ARID4A: variants seen among roughly 807,000 people sequenced by gnomAD.
The protein encoded by ARID4A is AT-rich interaction domain 4A, also known as AT-rich interactive domain-containing protein 4A.
ARID4A carries 39 observed loss-of-function variants against 148.6 expected under a neutral mutation model. The ratio of observed to expected loss-of-function variants is 0.26; its 90% CI spans 0.20 to 0.34. The LOEUF is 0.34. Among genes scored for constraint, ARID4A ranks in the 10% least tolerant of loss-of-function variants. ARID4A has a pLI of 1.00. For synonymous variants in ARID4A, 475 were observed against 481.2 expected (o/e 0.99, Z 0.17); for missense variants, 1,265 against 1,449.1 (o/e 0.87, Z 2.06).
rs754937858 is a variant in ARID4A at position 58,365,286 on chromosome 14, A to C, written c.3197A>C (p.Glu1066Ala). Residue 1066 changes from glutamate (E) to alanine (A), a missense_variant, in exon 20 of 24, where the codon GAG becomes GCG. Transcript: ENST00000355431. ...GTCSIIVQER[E>A]SREKGQKRPS... ...TGTAGTATAATTGTACAAGAGAGAGAGAGCAGAGAGAAGGGTAAGGACTTT... is the reference window on the plus strand; with the variant it reads ...TGTAGTATAATTGTACAAGAGAGAGCGAGCAGAGAGAAGGGTAAGGACTTT... 1.2e-6 allele frequency: 2 copies of C among 1,611,380 alleles called. No individual in the cohort carries two copies. Among genetic ancestry groups the C allele is most frequent in the South Asian group, 1.1e-5 (1 of 90,690 alleles).
intron 15 of ARID4A, among the ~76,000 whole-genome samples, chr14:58,349,902 A>C (rs1005758223): frequency 1.3e-5 from 2 of 151,906 alleles, no homozygotes; most frequent in East Asian, 3.9e-4. Flanking sequence ...CGAGGTCAAG[A>C]GATCAAGACC....
chr14:58,341,949 C>T (rs1397069298), intron 11 of ARID4A, among the ~76,000 whole-genome samples: 1 of 152,182 alleles, frequency 6.6e-6, no homozygotes, highest in Non-Finnish European at 1.5e-5. Flanking sequence ...CTCTCGCACT[C>T]CAAAACCCTT....
chr14:58,305,058 C>T (rs765477302), intron 4 of ARID4A, 49 bp downstream of exon 4: 1 of 1,428,026 alleles, frequency 7.0e-7, no homozygotes, highest in East Asian at 2.4e-5. Flanking sequence ...AGATTTATAC[C>T]ATATTTACTG....
chr14:58,312,946 G>A (rs1168674787), intron 5 of ARID4A, among the ~76,000 whole-genome samples: 2 of 152,188 alleles, frequency 1.3e-5, no homozygotes, highest in East Asian at 3.8e-4. Flanking sequence ...TTCAGTATCA[G>A]TGCTGTGATA....
At chr14:58,363,048 C>G (rs1238143137) in intron 19 of ARID4A, among the ~76,000 whole-genome samples, 1 of 152,216 alleles carries the variant, frequency 6.6e-6, no homozygotes, top group Non-Finnish European at 1.5e-5. Flanking sequence ...AAGGTACCCT[C>G]TTAGAAGGCA....
chr14:58,338,613 G>A (rs1376451917), intron 11 of ARID4A, among the ~76,000 whole-genome samples: 1 of 152,112 alleles, frequency 6.6e-6, no homozygotes, highest in East Asian at 1.9e-4. Flanking sequence ...TGAGGAGTGT[G>A]AGGACTTGTG....
At chr14:58,353,167 A>T (rs972551673) in intron 16 of ARID4A, among the ~76,000 whole-genome samples, 17 of 152,222 alleles carry the variant, frequency 1.1e-4, no homozygotes, top group African/African-American at 4.1e-4. Flanking sequence ...AGCAGATTTA[A>T]GATAATTCAG....
In ARID4A at chr14:58,353,723, T is replaced by C; in HGVS notation, c.1721T>C (p.Leu574Pro). The change falls in exon 17 of 24, where the codon CTA becomes CCA. Residue 574 changes from leucine (L) to proline (P), a missense_variant. By Grantham distance (98) the Leu-to-Pro change is moderately conservative (BLOSUM62 -3). Transcript: ENST00000355431. Reference protein sequence around the residue: ...EEDEEDMEPCLTGTKVKVKYG... With the variant: ...EEDEEDMEPCPTGTKVKVKYG... ...GATGAGGAAGACATGGAACCCTGCC[T>C]AACAGGAACCAAAGTGAAAGTAAAA... The C allele has an allele frequency of 6.2e-7, 1 of 1,614,008 alleles. No individual in the cohort carries two copies. Among genetic ancestry groups the C allele is most frequent in the Non-Finnish European group, 8.5e-7 (1 of 1,179,966 alleles).
Position 58,364,936 on chromosome 14 carries a change from G to C in ARID4A, c.2847G>C (p.Met949Ile), listed in dbSNP as rs1051029502. The C allele has an allele frequency of 5.6e-6, 9 of 1,614,010 alleles. No homozygotes were observed. The highest frequency in any genetic ancestry group is 1.7e-5 in the Admixed American group (1 of 60,004). The change falls in exon 20 of 24, where the codon ATG (methionine) becomes ATC (isoleucine). Residue 949 changes from methionine to isoleucine, a missense_variant. By Grantham distance (10) the Met-to-Ile change is conservative (BLOSUM62 1). Transcript: ENST00000355431. ...CACTAAAAGAAGATGAGGATGCAAT[G>C]CCTCTGATCGGGCCTGAAACCTTGG... ...NIPLKEDEDAMPLIGPETLVC... is the reference protein window; with the variant it reads ...NIPLKEDEDAIPLIGPETLVC...
At position 58,364,282 on chromosome 14, in the gene ARID4A, G is replaced by T; in HGVS notation, c.2193G>T (p.Lys731Asn). 6.4e-7 allele frequency: 1 copy of T among 1,559,868 alleles called. No individual in the cohort carries two copies. The highest frequency in any genetic ancestry group is 8.6e-7 in the Non-Finnish European group (1 of 1,163,284). The change falls in exon 20 of 24, where the codon AAG becomes AAT. Residue 731 changes from lysine to asparagine, a missense_variant. Physicochemically the swap from Lys to Asn is moderately conservative, Grantham distance 94. This residue lies in a region of ARID4A where 666 missense variants were observed against 730.9 expected (regional missense o/e 0.91). Coordinates refer to ENST00000355431, the MANE Select transcript of ARID4A (RefSeq NM_002892.4). ...LEKNENLNDDKLDEENPKISA... is the reference protein window; with the variant it reads ...LEKNENLNDDNLDEENPKISA... ...AAAATGAAAATTTGAATGATGATAA[G>T]CTAGATGAAGAAAATCCAAAGATTT...
At position 58,365,137 on chromosome 14, in the gene ARID4A, T is replaced by C; in HGVS notation, c.3048T>C (p.Ser1016=). Residue 1016 remains serine, a synonymous_variant, in exon 20 of 24, where the codon TCT becomes TCC. Transcript: ENST00000355431. The part of the protein sequence containing the change: ...ASPLTLSQDE[S]RSVKSESDIT... Reference sequence around the variant, plus strand: ...CACTTACTCTTAGTCAAGATGAGTCTCGAAGCGTAAAAAGTGAGAGTGATA... The same window carrying C: ...CACTTACTCTTAGTCAAGATGAGTCCCGAAGCGTAAAAAGTGAGAGTGATA... 6.2e-7 allele frequency: 1 copy of C among 1,614,150 alleles called. No individual in the cohort carries two copies. Among genetic ancestry groups the C allele is most frequent in the South Asian group, 1.1e-5 (1 of 91,084 alleles).
intron 17 of ARID4A, among the ~76,000 whole-genome samples, chr14:58,357,370 T>G (rs2034923837): frequency 6.6e-6 from 1 of 152,208 alleles, no homozygotes; most frequent in Non-Finnish European, 1.5e-5. Flanking sequence ...CATGGTACCA[T>G]GTCAACTGAA....
In ARID4A at chr14:58,362,274, C is replaced by G. The variant is rs537497914; in HGVS notation, c.2080+1232C>G. 9.3e-4 allele frequency among the ~76,000 whole-genome samples: 141 copies of G among 152,180 alleles called. No homozygotes were observed. The South Asian group carries it at 0.015, about 16-fold the overall frequency. On this transcript the variant is annotated intron_variant, in intron 19 of 23. Coordinates refer to ENST00000355431, the MANE Select transcript of ARID4A (RefSeq NM_002892.4). ...ACTCGTTTCCCCCACTTTTCTACCTCTGTATACTTTTAAATGTAATTAAGA... is the reference window on the plus strand; with the variant it reads ...ACTCGTTTCCCCCACTTTTCTACCTGTGTATACTTTTAAATGTAATTAAGA...
At chr14:58,301,322 T>G (rs1366414342) in intron 2 of ARID4A, among the ~76,000 whole-genome samples, 1 of 152,188 alleles carries the variant, frequency 6.6e-6, no homozygotes, top group Non-Finnish European at 1.5e-5. Context: ...TTGAAAAATT[T>G]TGTATCGAGA....
intron 17 of ARID4A, among the ~76,000 whole-genome samples, chr14:58,355,144 G>T (rs1038591842): frequency 6.6e-6 from 1 of 152,108 alleles, no homozygotes; most frequent in African/African-American, 2.4e-5. Flanking sequence ...ACAAAATCTG[G>T]CATATTTAAT....
At chr14:58,349,886 G>A (rs1026864241) in intron 15 of ARID4A, among the ~76,000 whole-genome samples, 3 of 151,812 alleles carry the variant, frequency 2.0e-5, no homozygotes, top group East Asian at 1.9e-4. Flanking sequence ...CGAGGCGGGC[G>A]GATCACGAGG....
intron 19 of ARID4A, 87 bp downstream of exon 19, chr14:58,361,129 TTAAA>T: frequency 6.7e-7 from 1 of 1,484,844 alleles, no homozygotes; most frequent in Non-Finnish European, 8.9e-7. Context: ...ATGGCTGACT[TTAAA>T]AAAAATCAAT....
intron 11 of ARID4A, among the ~76,000 whole-genome samples, chr14:58,336,412 ATTTTGACCTATGGCTCACC>A (rs1257464613): frequency 6.6e-6 from 1 of 152,180 alleles, no homozygotes; most frequent in East Asian, 1.9e-4. Context: ...CTATGTAGTC[ATTTTGACCTATGGCTCACC>A]TGAGTTGCCA....
intron 5 of ARID4A, among the ~76,000 whole-genome samples, chr14:58,306,423 A>C (rs1417962348): frequency 1.3e-5 from 2 of 152,222 alleles, no homozygotes; most frequent in African/African-American, 2.4e-5. Context: ...TTAAAATTGC[A>C]TAGTTGCGAT....
Sources: allele counts gnomAD v4.1 joint callset (sites outside exome capture counted in the v4.1 genomes callset), GRCh38; gene constraint gnomAD v4.1.1; regional missense constraint gnomAD v4.1.1; transcripts MANE v1.5; gene names NCBI Gene and HGNC (gene_info 2026-07-23, HGNC 2026-07-21).